EXPH5: variants seen among roughly 807,000 people sequenced by gnomAD.
EXPH5 encodes exophilin 5.
A neutral mutation model predicts 41.1 loss-of-function variants in EXPH5; 42 were observed. The ratio of observed to expected loss-of-function variants is 1.02; its 90% CI spans 0.80 to 1.32. The LOEUF is 1.32. EXPH5 is among the 40% of genes most tolerant of loss of function. The pLI is 0.00. For synonymous variants in EXPH5, 798 were observed against 833.5 expected (o/e 0.96, Z 0.73); for missense variants, 2,298 against 2,314.5 (o/e 0.99, Z 0.15).
At chr11:108,569,762 G>A (rs922248072) in intron 1 of EXPH5, among the ~76,000 whole-genome samples, 2 of 152,104 alleles carry the variant, frequency 1.3e-5, no homozygotes, top group African/African-American at 4.8e-5. Context: ...AGTGAGTGCT[G>A]TTGAACAGAA....
At chr11:108,524,046 A>G (rs1377777875) in intron 4 of EXPH5, among the ~76,000 whole-genome samples, 4 of 152,050 alleles carry the variant, frequency 2.6e-5, no homozygotes, top group Non-Finnish European at 5.9e-5. Context: ...ATTAATATTT[A>G]CATGACTTTG....
chr11:108,513,640 G>A lies in EXPH5; in HGVS notation c.1867C>T (p.Leu623=). ...AAGGAAGTTTTGAATGAGGATGCTA[G>A]AGTCTGAGCAATTCCAAATGAGGAA... ...EASSFGIAQT[L]ASSFKTSFSQ... The change falls in exon 6 of 6, where the codon CTA becomes TTA. Residue 623 remains leucine (L), a synonymous_variant. Transcript: ENST00000265843. 6.2e-7 allele frequency: 1 copy of A among 1,611,904 alleles called. No homozygotes were observed. Among genetic ancestry groups the A allele is most frequent in the East Asian group, 2.2e-5 (1 of 44,884 alleles).
intron 5 of EXPH5, among the ~76,000 whole-genome samples, chr11:108,515,088 A>C (rs1194147078): frequency 6.6e-6 from 1 of 152,060 alleles, no homozygotes; most frequent in Non-Finnish European, 1.5e-5. Context: ...TTTTCAAATC[A>C]CTTTTTTTCA....
At chr11:108,568,134 G>A (rs951658585) in intron 1 of EXPH5, 1 of 147,646 alleles carries the variant, frequency 6.8e-6, no homozygotes, top group Non-Finnish European at 1.5e-5. Context: ...ACTGCTTCAG[G>A]GAGGAGAAGC....
At position 108,541,652 on chromosome 11, in the gene EXPH5, C is replaced by A; in HGVS notation, c.280G>T (p.Asp94Tyr). The stretch of plus-strand genomic sequence containing the variant: ...TTTAAATCTAAAATCTTTTTCTTAC[C>A]ATTTTTTGCCATCTCCTTACTTAGC... ...YRLSKEMAKN[D>Y]PIELPTSRSK... The change falls in exon 2 of 6, where the codon GAT becomes TAT. Residue 94 changes from aspartate to tyrosine, a missense_variant and splice_region_variant. Asp to Tyr is a radical substitution (Grantham distance 160). Transcript: ENST00000265843. The A allele has an allele frequency of 6.3e-7, 1 of 1,591,380 alleles. No individual in the cohort carries two copies. Among genetic ancestry groups the A allele is most frequent in the Non-Finnish European group, 8.6e-7 (1 of 1,169,242 alleles).
chr11:108,553,344 C>T (rs1565818619), intron 1 of EXPH5, among the ~76,000 whole-genome samples: 1 of 152,136 alleles, frequency 6.6e-6, no homozygotes, highest in Non-Finnish European at 1.5e-5. Flanking sequence ...TCACAGTGCC[C>T]TTGGTCTCTC....
chr11:108,578,993 A>T (rs927687041), intron 1 of EXPH5, among the ~76,000 whole-genome samples: 3 of 152,112 alleles, frequency 2.0e-5, no homozygotes, highest in Admixed American at 6.5e-5. Context: ...GATGCCCTTT[A>T]TTTCTTTCTC....
intron 1 of EXPH5, among the ~76,000 whole-genome samples, chr11:108,568,353 G>T (rs1481722087): frequency 2.0e-5 from 3 of 152,240 alleles, no homozygotes; most frequent in African/African-American, 7.2e-5. Flanking sequence ...TGGCTGGCCG[G>T]CGTGGTGGTT....
At chr11:108,602,057 T>C in the EXPH5 span, among the ~76,000 whole-genome samples, 1 of 152,224 alleles carries the variant, frequency 6.6e-6, no homozygotes. Flanking sequence ...CCTGAAATGA[T>C]AGACTCTACA....
chr11:108,596,276 T>C (rs1329039730), upstream of EXPH5, among the ~76,000 whole-genome samples: 1 of 151,818 alleles, frequency 6.6e-6, no homozygotes, highest in African/African-American at 2.4e-5. Context: ...AAGGAAACCA[T>C]TGTGTTGGAA....
chr11:108,520,140 C>A (rs1591680369), intron 4 of EXPH5, among the ~76,000 whole-genome samples: 1 of 152,186 alleles, frequency 6.6e-6, no homozygotes, highest in East Asian at 1.9e-4. Flanking sequence ...CTGAGCTCCG[C>A]CTCCAGTCAG....
At chr11:108,569,095 T>C (rs191313021) in intron 1 of EXPH5, among the ~76,000 whole-genome samples, 1 of 152,272 alleles carries the variant, frequency 6.6e-6, no homozygotes, top group African/African-American at 2.4e-5. Flanking sequence ...TTCACTACGA[T>C]GGTGTCTGCA....
At chr11:108,581,331 G>A (rs1312703454) in intron 1 of EXPH5, among the ~76,000 whole-genome samples, 1 of 151,488 alleles carries the variant, frequency 6.6e-6, no homozygotes, top group Non-Finnish European at 1.5e-5. Context: ...ATATATATAT[G>A]TATGCATATA....
Position 108,506,276 on chromosome 11 carries a change from A to G in EXPH5, c.*3261T>C, listed in dbSNP as rs1359010142. ...GTTAAAATACATAGAAATTTGCTAT[A>G]CTTCTTTAACAAGTGCTTTATAAAA... On this transcript the variant is annotated 3_prime_UTR_variant, in exon 6 of 6. Transcript: ENST00000265843. 1.3e-5 allele frequency: 2 copies of G among 152,246 alleles called. No homozygotes were observed. Among genetic ancestry groups the G allele is most frequent in the Non-Finnish European group, 2.9e-5 (2 of 68,046 alleles). 9.4% of individuals were successfully genotyped at this position (152,246 alleles called of 1,614,324 possible).
chr11:108,537,493 T>C (rs1460661624), intron 3 of EXPH5, among the ~76,000 whole-genome samples: 2 of 152,338 alleles, frequency 1.3e-5, no homozygotes, highest in Middle Eastern at 3.4e-3. Flanking sequence ...TTTCTGCATG[T>C]TGTGTCTATG....
intron 4 of EXPH5, among the ~76,000 whole-genome samples, chr11:108,519,764 AG>A (rs2093752426): frequency 6.7e-6 from 1 of 150,230 alleles, no homozygotes; most frequent in African/African-American, 2.5e-5. Context: ...AAAGAAAAAA[AG>A]AAAAAAAAAC....
intron 1 of EXPH5, among the ~76,000 whole-genome samples, chr11:108,577,823 A>G (rs141813611): frequency 3.4e-3 from 515 of 152,194 alleles, no homozygotes; most frequent in Middle Eastern, 0.01. Flanking sequence ...TCATATGCCT[A>G]TTGGCCACTT....
chr11:108,511,962 T>G lies in EXPH5; in HGVS notation c.3545A>C (p.Lys1182Thr). 1 of 1,600,128 alleles carries G rather than the reference T, an allele frequency of 6.2e-7. No homozygotes were observed. The highest frequency in any genetic ancestry group is 2.2e-5 in the East Asian group (1 of 44,846). Residue 1182 changes from lysine to threonine, a missense_variant, in exon 6 of 6, where the codon AAG becomes ACG. Transcript: ENST00000265843. ...DCSLTKRQHQ[K>T]ENFQEYTEKE... ...CTCAGTGTATTCTTGGAAGTTTTCC[T>G]TTTGGTGTTGTCTTTTGGTTAAAGA...
intron 1 of EXPH5, among the ~76,000 whole-genome samples, chr11:108,581,732 A>G (rs1471087206): frequency 6.6e-6 from 1 of 152,170 alleles, no homozygotes; most frequent in Non-Finnish European, 1.5e-5. Flanking sequence ...GAAAACATCA[A>G]TAAATTTGAT....
Sources: allele counts gnomAD v4.1 joint callset (sites outside exome capture counted in the v4.1 genomes callset), GRCh38; gene constraint gnomAD v4.1.1; transcripts MANE v1.5; gene names NCBI Gene and HGNC (gene_info 2026-07-23, HGNC 2026-07-21).